Variants in EIF2S1 observed in about 807,000 individuals in gnomAD.
EIF2S1 encodes eukaryotic translation initiation factor 2 subunit alpha.
Under a neutral mutation model 33.5 loss-of-function variants are expected in EIF2S1, and 5 were observed. That is an observed-to-expected ratio of 0.15 (90% CI 0.08 to 0.31). EIF2S1 has a LOEUF of 0.31. EIF2S1 is among the 10% of genes least tolerant of loss of function. The pLI is 1.00. For missense variants in EIF2S1, 191 were observed against 384.6 expected (o/e 0.50, Z 4.21); for synonymous variants, 99 against 127.5 (o/e 0.78, Z 1.51).
At chr14:67,380,947 G>A (rs1259164448) in intron 5 of EIF2S1, among the ~76,000 whole-genome samples, 182 bp downstream of exon 5, 1 of 152,046 alleles carries the variant, frequency 6.6e-6, no homozygotes, top group Non-Finnish European at 1.5e-5. Flanking sequence ...TTTATATATT[G>A]ACACAAGTAG....
chr14:67,374,505 G>A lies in EIF2S1; in HGVS notation c.279G>A (p.Glu93=). The A allele has an allele frequency of 1.9e-6, 3 of 1,607,188 alleles. No homozygotes were observed. Among genetic ancestry groups the A allele is most frequent in the Non-Finnish European group, 2.6e-6 (3 of 1,176,054 alleles). Residue 93 remains glutamate (E), a synonymous_variant, in exon 3 of 8, where the codon GAG becomes GAA. Coordinates refer to ENST00000256383, the MANE Select transcript of EIF2S1 (RefSeq NM_004094.5). Reference sequence around the variant, plus strand: ...TGTCAAAAAGAAGAGTTTCTCCAGAGGAAGCAATCAAATGTGAAGACAAAT... The same window carrying A: ...TGTCAAAAAGAAGAGTTTCTCCAGAAGAAGCAATCAAATGTGAAGACAAAT... The part of the protein sequence containing the change: ...IDLSKRRVSP[E]EAIKCEDKFT...
chr14:67,375,232 C>CTGTGTGTGTGTG (rs3067321), intron 3 of EIF2S1, among the ~76,000 whole-genome samples: 5 of 137,672 alleles, frequency 3.6e-5, no homozygotes, highest in South Asian at 5.2e-4. Context: ...ATCCTCAGTT[C>CTGTGTGTGTGTG]TGTGTGTGTG....
At chr14:67,366,355 A>C (rs2085778966) in intron 2 of EIF2S1, among the ~76,000 whole-genome samples, 1 of 152,216 alleles carries the variant, frequency 6.6e-6, no homozygotes. Flanking sequence ...TACAGGTGTG[A>C]GCCACTGTGC....
chr14:67,380,427 T>G lies in EIF2S1; in HGVS notation c.474-232T>G, dbSNP rs762140465. ...AGTAGAATATCAGATGTGTTAGGCATTAAATTGCTTGTTTTAGTCAGATCA... is the reference window on the plus strand; with the variant it reads ...AGTAGAATATCAGATGTGTTAGGCAGTAAATTGCTTGTTTTAGTCAGATCA... On this transcript the variant is annotated intron_variant, in intron 4 of 7. Transcript: ENST00000256383. Among the ~76,000 whole-genome samples, 207 of 152,192 alleles carry G rather than the reference T, an allele frequency of 1.4e-3. 6 individuals are homozygous for G. Among genetic ancestry groups the G allele is most frequent in the Non-Finnish European group, 3.2e-4 (22 of 68,024 alleles).
intron 2 of EIF2S1, among the ~76,000 whole-genome samples, chr14:67,365,570 CA>C (rs2085770577): frequency 6.6e-6 from 1 of 152,276 alleles, no homozygotes; most frequent in Admixed American, 6.5e-5. Context: ...TTTGGATGAG[CA>C]TTCATTTTTT....
At chr14:67,372,038 G>C (rs1264550986) in intron 2 of EIF2S1, among the ~76,000 whole-genome samples, 1 of 152,112 alleles carries the variant, frequency 6.6e-6, no homozygotes, top group Non-Finnish European at 1.5e-5. Context: ...GCCTAGGTGG[G>C]GGGATCACTT....
At chr14:67,380,796 A>G in intron 5 of EIF2S1, 31 bp downstream of exon 5, 2 of 1,216,618 alleles carry the variant, frequency 1.6e-6, no homozygotes, top group Non-Finnish European at 2.3e-6. Flanking sequence ...TTTTTACAGT[A>G]TTTTGCATGC....
intron 2 of EIF2S1, among the ~76,000 whole-genome samples, chr14:67,372,158 TTA>T (rs1220210919): frequency 1.3e-5 from 2 of 152,204 alleles, no homozygotes; most frequent in Admixed American, 6.5e-5. Context: ...ATGTGTGCTT[TTA>T]TATGATCAGT....
rs2085917149 is a variant in EIF2S1, at chr14:67,385,568, A to G, written c.*2128A>G. 6.6e-6 allele frequency: 1 copy of G among 152,008 alleles called. No individual in the cohort carries two copies. Among genetic ancestry groups the G allele is most frequent in the Non-Finnish European group, 1.5e-5 (1 of 68,008 alleles). The allele number at this position is 152,008 out of a possible 1,614,324, so 9.4% of individuals were successfully genotyped here. ...TGGCTATCAATTCATATAGCTGAAA[A>G]TTAGTGATAGTTTGGGTCTCATTTA... On this transcript the variant is annotated 3_prime_UTR_variant, in exon 8 of 8. Coordinates refer to ENST00000256383, the MANE Select transcript of EIF2S1 (RefSeq NM_004094.5).
Position 67,360,365 on chromosome 14 carries a change from A to C in EIF2S1, c.-93A>C. On this transcript the variant is annotated 5_prime_UTR_variant, in exon 1 of 8. Coordinates refer to ENST00000256383, the MANE Select transcript of EIF2S1 (RefSeq NM_004094.5). ...GTGAGCGAAGCGCACGCTGAGGAGG[A>C]TCGGCGGCCGGTGAGGGGGAAGCAA... 5.0e-6 allele frequency: 2 copies of C among 397,066 alleles called. No individual in the cohort carries two copies. The highest frequency in any genetic ancestry group is 2.7e-4 in the South Asian group (2 of 7,278). 24.6% of individuals were successfully genotyped at this position (397,066 alleles called of 1,614,324 possible). A position where few individuals can be genotyped will look rare whatever the true frequency, so the allele number is the denominator to read the frequency against.
chr14:67,384,804 C>A lies in EIF2S1; in HGVS notation c.*1364C>A, dbSNP rs1032498643. The A allele has an allele frequency of 1.3e-5, 2 of 152,080 alleles. No individual in the cohort carries two copies. Among genetic ancestry groups the A allele is most frequent in the Admixed American group, 6.6e-5 (1 of 15,264 alleles). 9.4% of individuals were successfully genotyped at this position (152,080 alleles called of 1,614,324 possible). A position where few individuals can be genotyped will look rare whatever the true frequency, so the allele number is the denominator to read the frequency against. ...TCTGAGAGAGTGCCATGATTGCTAG[C>A]CAGCATTCCATATTGGGAATATGTA... is the stretch of plus-strand genomic sequence containing the variant. On this transcript the variant is annotated 3_prime_UTR_variant, in exon 8 of 8. Transcript: ENST00000256383.
chr14:67,383,226 G>C (rs2085899388), intron 7 of EIF2S1, 89 bp from the exon 8 acceptor site: 1 of 1,416,968 alleles, frequency 7.1e-7, no homozygotes, highest in African/African-American at 1.4e-5. Flanking sequence ...AAGTGTTAAA[G>C]AGAGAAAACA....
At position 67,382,519 on chromosome 14, in the gene EIF2S1, C is replaced by T. The variant is rs2085893223; in HGVS notation, c.751C>T (p.Leu251Phe). The change falls in exon 7 of 8, where the codon CTC (leucine) becomes TTC (phenylalanine). Residue 251 changes from leucine (L) to phenylalanine (F), a missense_variant. By Grantham distance (22) the Leu-to-Phe change is conservative. Coordinates refer to ENST00000256383, the MANE Select transcript of EIF2S1 (RefSeq NM_004094.5). ...TLERTEGLSV[L>F]SQAMAVIKEK... is the part of the protein sequence containing the mutation. ...GGAGAGAACAGAAGGCCTTTCTGTC[C>T]TCAGTCAAGCTATGGCTGTTATCAA... The T allele has an allele frequency of 6.2e-7, 1 of 1,613,636 alleles. No individual in the cohort carries two copies. The highest frequency in any genetic ancestry group is 1.7e-5 in the Admixed American group (1 of 59,980).
At chr14:67,361,947 G>C (rs1216035388) in intron 1 of EIF2S1, among the ~76,000 whole-genome samples, 1 of 149,948 alleles carries the variant, frequency 6.7e-6, no homozygotes, top group Non-Finnish European at 1.5e-5. Context: ...ACTTTGTATT[G>C]TAATTATTTG....
At chr14:67,370,758 G>A (rs1219957585) in intron 2 of EIF2S1, among the ~76,000 whole-genome samples, 8 of 152,152 alleles carry the variant, frequency 5.3e-5, no homozygotes, top group African/African-American at 1.9e-4. Context: ...CAGCACAGTG[G>A]TTCATGTCTG....
chr14:67,381,933 T>C (rs1244681020), intron 6 of EIF2S1, among the ~76,000 whole-genome samples: 4 of 152,176 alleles, frequency 2.6e-5, no homozygotes, highest in Non-Finnish European at 5.9e-5. Flanking sequence ...AAGCCAGCGA[T>C]GCCAAACCTC....
In EIF2S1 at chr14:67,367,835, C is replaced by CA. The variant is rs879924557; in HGVS notation, c.241+2839dup. On this transcript the variant is annotated intron_variant, in intron 2 of 7. Transcript: ENST00000256383. ...TGGGTGATAGAACCAGACCTTGTCT[C>CA]AAAAAAAAAAAAGAGAGAGGTGAAG... is the stretch of plus-strand genomic sequence containing the variant. Among the ~76,000 whole-genome samples the CA allele has an allele frequency of 1.6e-3, 208 of 130,950 alleles. 2 individuals are homozygous for CA. The highest frequency in any genetic ancestry group is 2.5e-3 in the Admixed American group (33 of 13,204). 85.9% of individuals were successfully genotyped at this position (130,950 alleles called of 152,430 possible). A position where few individuals can be genotyped will look rare whatever the true frequency, so the allele number is the denominator to read the frequency against.
rs558104083 is a variant in EIF2S1, at chr14:67,385,686, G to A, written c.*2246G>A. On this transcript the variant is annotated 3_prime_UTR_variant, in exon 8 of 8. Transcript: ENST00000256383. ...TTTTTTTTTTTTTTTTTGGCAAATG[G>A]TGTTATATTGCCTGGGCAGGTCTCG... 2 of 144,346 alleles carry A rather than the reference G, an allele frequency of 1.4e-5. No homozygotes were observed. Among genetic ancestry groups the A allele is most frequent in the Admixed American group, 7.0e-5 (1 of 14,346 alleles). 8.9% of individuals were successfully genotyped at this position (144,346 alleles called of 1,614,324 possible). A position where few individuals can be genotyped will look rare whatever the true frequency, so the allele number is the denominator to read the frequency against.
intron 3 of EIF2S1, 119 bp from the exon 4 acceptor site, chr14:67,376,320 T>G: frequency 2.0e-6 from 2 of 1,003,710 alleles, no homozygotes; most frequent in Admixed American, 2.8e-5. Context: ...TATTTCCCTA[T>G]GGAGATCTTT....
Sources: gnomAD v4.1 joint callset for allele counts (sites outside exome capture counted in the v4.1 genomes callset) on GRCh38, gnomAD v4.1.1 for gene constraint, MANE v1.5 for transcripts, NCBI Gene and HGNC (gene_info 2026-07-23, HGNC 2026-07-21) for gene names.